Variants in EXOC4 observed in about 807,000 individuals in gnomAD.
The protein encoded by EXOC4 is SEC8-like 1.
Under a neutral mutation model 107.2 loss-of-function variants are expected in EXOC4, and 71 were observed. The ratio of observed to expected loss-of-function variants is 0.66; its 90% confidence interval spans 0.55 to 0.81. EXOC4 has a LOEUF of 0.81. EXOC4 is among the 30% of genes least tolerant of loss of function. The probability of loss-of-function intolerance (pLI) is 0.00; values close to 1 mark genes in which losing one functional copy is unlikely to be tolerated. For missense variants in EXOC4, 1,108 were observed against 1,189.6 expected (o/e 0.93, Z 1.01); for synonymous variants, 456 against 441.2 (o/e 1.03, Z -0.42).
At chr7:133,700,247 G>T (rs370459035) in intron 10 of EXOC4, among the ~76,000 whole-genome samples, 1 of 152,076 alleles carries the variant, frequency 6.6e-6, no homozygotes, top group African/African-American at 2.4e-5. Flanking sequence ...GATTTAACAC[G>T]CAATATTTTA....
chr7:134,075,003 T>TA, the EXOC4 span, among the ~76,000 whole-genome samples: 101 of 151,252 alleles, frequency 6.7e-4, no homozygotes, highest in African/African-American at 2.4e-3. Context: ...CTCCACAGTA[T>TA]AAAAAAAAAG....
chr7:134,081,422 T>A, the EXOC4 span, among the ~76,000 whole-genome samples: 3 of 152,184 alleles, frequency 2.0e-5, no homozygotes, highest in Admixed American at 2.0e-4. Context: ...GCTTAATTTT[T>A]CTCCATAGTT....
At chr7:133,315,605 C>G (rs542076783) in intron 4 of EXOC4, among the ~76,000 whole-genome samples, 38 of 152,204 alleles carry the variant, frequency 2.5e-4, no homozygotes, top group South Asian at 1.7e-3. Context: ...AATCTATTAT[C>G]TAATTTATTT....
chr7:133,621,430 A>G (rs1425038593), intron 9 of EXOC4, among the ~76,000 whole-genome samples: 1 of 152,242 alleles, frequency 6.6e-6, no homozygotes, highest in Non-Finnish European at 1.5e-5. Flanking sequence ...TCATTAGCCA[A>G]AAATCTAGGA....
At chr7:133,631,025 T>C (rs1802579934) in intron 10 of EXOC4, among the ~76,000 whole-genome samples, 1 of 152,202 alleles carries the variant, frequency 6.6e-6, no homozygotes, top group Non-Finnish European at 1.5e-5. Context: ...AACACTACTG[T>C]ATGGTACATT....
chr7:133,818,877 C>CTATG (rs1373328367), intron 11 of EXOC4, among the ~76,000 whole-genome samples: 2 of 152,162 alleles, frequency 1.3e-5, no homozygotes, highest in Non-Finnish European at 2.9e-5. Flanking sequence ...AGGCCAAACC[C>CTATG]TATGGACTGT....
Position 133,817,545 on chromosome 7 carries a change from G to C in EXOC4, c.1734+1G>C, listed in dbSNP as rs1367850786. On this transcript the variant is annotated splice_donor_variant, in intron 11 of 17. Coordinates refer to ENST00000253861, the MANE Select transcript of EXOC4 (RefSeq NM_021807.4). LOFTEE classifies it high-confidence loss of function. ...GGGAGTGCAGCGGCCTCTCCTACAGGTAATAATACACTTTGAACTTACTAT... is the reference window on the plus strand; with the variant it reads ...GGGAGTGCAGCGGCCTCTCCTACAGCTAATAATACACTTTGAACTTACTAT... 6.2e-7 allele frequency: 1 copy of C among 1,605,912 alleles called. No individual in the cohort carries two copies. The highest frequency in any genetic ancestry group is 8.5e-7 in the Non-Finnish European group (1 of 1,172,828).
At chr7:134,069,348 CCTT>C (rs1291234958), downstream of EXOC4, among the ~76,000 whole-genome samples, 294 of 129,546 alleles carry the variant, frequency 2.3e-3, 2 homozygotes, top group Middle Eastern at 4.8e-3. Flanking sequence ...TTCTCCTCCT[CCTT>C]CTCCTTCTTC....
chr7:133,691,993 C>T (rs147308176), intron 10 of EXOC4, among the ~76,000 whole-genome samples: 92 of 152,218 alleles, frequency 6.0e-4, no homozygotes, highest in Non-Finnish European at 1.1e-3. Flanking sequence ...CATCTCATCT[C>T]TGATGGGAGG....
chr7:133,486,239 T>A (rs1799268058), intron 9 of EXOC4, among the ~76,000 whole-genome samples: 1 of 152,202 alleles, frequency 6.6e-6, no homozygotes, highest in Non-Finnish European at 1.5e-5. Flanking sequence ...GGATTGTGAA[T>A]ACTTGTATGT....
intron 7 of EXOC4, among the ~76,000 whole-genome samples, chr7:133,392,847 A>T (rs1796883397): frequency 6.6e-6 from 1 of 152,212 alleles, no homozygotes. Flanking sequence ...AGTCTATTGG[A>T]TAAGATTGTT....
intron 11 of EXOC4, among the ~76,000 whole-genome samples, chr7:133,884,703 G>A (rs1799043961): frequency 6.6e-6 from 1 of 151,652 alleles, no homozygotes; most frequent in South Asian, 2.1e-4. Context: ...TAGATTCTTA[G>A]CAGCATCTCT....
intron 7 of EXOC4, among the ~76,000 whole-genome samples, chr7:133,401,991 TA>T (rs1797101130): frequency 6.6e-6 from 1 of 152,180 alleles, no homozygotes; most frequent in Non-Finnish European, 1.5e-5. Context: ...GAAAATTAGC[TA>T]ATGAAATAGT....
chr7:133,637,377 A>C (rs1280119529), intron 10 of EXOC4, among the ~76,000 whole-genome samples: 3 of 152,240 alleles, frequency 2.0e-5, no homozygotes, highest in African/African-American at 7.2e-5. Context: ...TGTTCTACCC[A>C]TGTCAGTTTG....
intron 3 of EXOC4, among the ~76,000 whole-genome samples, chr7:133,293,729 A>T (rs1321775009): frequency 6.6e-6 from 1 of 152,340 alleles, no homozygotes; most frequent in Non-Finnish European, 1.5e-5. Context: ...TTGTCATGAC[A>T]GGGAATGTCT....
At chr7:134,089,237 C>T in the EXOC4 span, among the ~76,000 whole-genome samples, 1 of 152,156 alleles carries the variant, frequency 6.6e-6, no homozygotes, top group Non-Finnish European at 1.5e-5. Context: ...AAATCTTCAG[C>T]TTTACCTTAT....
intron 10 of EXOC4, among the ~76,000 whole-genome samples, chr7:133,782,878 C>T (rs934237413): frequency 7.9e-5 from 12 of 152,100 alleles, no homozygotes; most frequent in Admixed American, 6.5e-5. Context: ...TCAACACCAC[C>T]CACTGGTGGA....
intron 10 of EXOC4, among the ~76,000 whole-genome samples, chr7:133,763,980 AAAG>A (rs1488192316): frequency 6.6e-6 from 1 of 152,086 alleles, no homozygotes; most frequent in Non-Finnish European, 1.5e-5. Context: ...AATAAACCAC[AAAG>A]AAGCATGAAA....
chr7:133,315,239 G>C (rs1312107627), intron 4 of EXOC4: 1 of 152,586 alleles, frequency 6.6e-6, no homozygotes, highest in South Asian at 2.1e-4. Context: ...TCCCAGCTCT[G>C]TGATCATCAG....
Sources: allele counts gnomAD v4.1 joint callset (sites outside exome capture counted in the v4.1 genomes callset), GRCh38; gene constraint gnomAD v4.1.1; transcripts MANE v1.5; gene names NCBI Gene and HGNC (gene_info 2026-07-23, HGNC 2026-07-21).